Variants in MAGI2 observed in about 807,000 individuals in gnomAD.
MAGI2 encodes the protein membrane associated guanylate kinase, WW and PDZ domain containing 2.
A neutral mutation model predicts 133.3 loss-of-function variants in MAGI2; 35 were observed. That is an observed-to-expected ratio of 0.26 (90% CI 0.20 to 0.35). The LOEUF is 0.35. MAGI2 is among the 10% of genes least tolerant of loss of function. The pLI, the probability that MAGI2 is intolerant of heterozygous loss-of-function variation, is 1.00. For missense variants in MAGI2, 1,636 were observed against 1,863.4 expected (o/e 0.88, Z 2.25); for synonymous variants, 729 against 710.6 (o/e 1.03, Z -0.41).
intron 9 of MAGI2, among the ~76,000 whole-genome samples, chr7:78,338,940 A>T (rs1790060034): frequency 6.6e-6 from 1 of 152,052 alleles, no homozygotes. Flanking sequence ...CAGGAGTTTG[A>T]GTGCCACCAG....
chr7:78,661,544 C>T (rs900786335), intron 2 of MAGI2, among the ~76,000 whole-genome samples: 4 of 152,190 alleles, frequency 2.6e-5, no homozygotes, highest in African/African-American at 9.6e-5. Context: ...ATCAAGTCCA[C>T]TATCAAATCT....
intron 2 of MAGI2, among the ~76,000 whole-genome samples, chr7:78,704,778 C>CTTTTTTTTTTTTTCCT (rs1818445221): frequency 1.1e-4 from 5 of 47,366 alleles, no homozygotes; most frequent in South Asian, 6.2e-4. Flanking sequence ...GGCCATTATT[C>CTTTTTTTTTTTTTCCT]TTTTTTTTTT....
At chr7:78,836,957 T>C (rs951679519) in intron 2 of MAGI2, among the ~76,000 whole-genome samples, 1 of 152,234 alleles carries the variant, frequency 6.6e-6, no homozygotes, top group Non-Finnish European at 1.5e-5. Flanking sequence ...TATTTATTCA[T>C]GCAGGTAATA....
intron 1 of MAGI2, among the ~76,000 whole-genome samples, chr7:79,429,058 T>C (rs571527380): frequency 5.5e-4 from 84 of 152,110 alleles, no homozygotes; most frequent in Non-Finnish European, 7.2e-4. Flanking sequence ...TAGAAGTATA[T>C]ATATATCCCT....
At chr7:79,347,099 T>G (rs930052010) in intron 1 of MAGI2, among the ~76,000 whole-genome samples, 1 of 151,922 alleles carries the variant, frequency 6.6e-6, no homozygotes, top group Non-Finnish European at 1.5e-5. Flanking sequence ...AGAGTGTTCA[T>G]CTTTACCTTT....
intron 1 of MAGI2, among the ~76,000 whole-genome samples, chr7:79,379,531 C>T (rs1251132364): frequency 3.3e-5 from 5 of 151,906 alleles, no homozygotes; most frequent in South Asian, 2.1e-4. Context: ...CTTGAGGAAT[C>T]GCCACACTGT....
chr7:78,965,161 T>G (rs1208758439), intron 2 of MAGI2, among the ~76,000 whole-genome samples: 1 of 151,432 alleles, frequency 6.6e-6, no homozygotes, highest in Non-Finnish European at 1.5e-5. Context: ...TCTGTTAATC[T>G]AAATCTAAAT....
At chr7:78,962,831 A>G (rs1243810937) in intron 2 of MAGI2, among the ~76,000 whole-genome samples, 1 of 72,360 alleles carries the variant, frequency 1.4e-5, no homozygotes, top group Non-Finnish European at 2.7e-5. Flanking sequence ...TCTAATTATC[A>G]AATTAAACTC....
chr7:78,900,996 C>T (rs1358701396), intron 2 of MAGI2, among the ~76,000 whole-genome samples: 1 of 152,108 alleles, frequency 6.6e-6, no homozygotes, highest in African/African-American at 2.4e-5. Context: ...GAACCTAAAG[C>T]CAAGCAGCCA....
intron 1 of MAGI2, among the ~76,000 whole-genome samples, chr7:79,399,095 C>CTGTTTTTTTTTTTTTTTTTTTTT (rs1845283953): frequency 9.4e-6 from 1 of 106,300 alleles, no homozygotes; most frequent in African/African-American, 4.0e-5. Flanking sequence ...TTTTTCTTTT[C>CTGTTTTTTTTTTTTTTTTTTTTT]TTTTTTTTTT....
At chr7:78,488,484 G>T (rs1793277935) in intron 6 of MAGI2, among the ~76,000 whole-genome samples, 1 of 151,964 alleles carries the variant, frequency 6.6e-6, no homozygotes, top group Non-Finnish European at 1.5e-5. Context: ...TGTGGCATAA[G>T]TAAATCATAA....
At chr7:78,559,828 T>TA (rs1800225877) in intron 3 of MAGI2, among the ~76,000 whole-genome samples, 1 of 152,192 alleles carries the variant, frequency 6.6e-6, no homozygotes, top group South Asian at 2.1e-4. Flanking sequence ...TCAAGTTTTA[T>TA]ATACATACAA....
chr7:78,607,125 G>C (rs1805900704), intron 3 of MAGI2, among the ~76,000 whole-genome samples: 1 of 152,124 alleles, frequency 6.6e-6, no homozygotes, highest in African/African-American at 2.4e-5. Flanking sequence ...GGCATTGTTT[G>C]GCCGCCAAAC....
chr7:78,695,789 G>T (rs1817448935), intron 2 of MAGI2, among the ~76,000 whole-genome samples: 1 of 152,184 alleles, frequency 6.6e-6, no homozygotes, highest in African/African-American at 2.4e-5. Flanking sequence ...ATTTTTTAGA[G>T]CTAAGAAGCA....
At chr7:78,766,394 C>T (rs1301588993) in intron 2 of MAGI2, among the ~76,000 whole-genome samples, 1 of 152,118 alleles carries the variant, frequency 6.6e-6, no homozygotes, top group Non-Finnish European at 1.5e-5. Context: ...ATTTCCTCCC[C>T]CAGCCCCAGA....
intron 2 of MAGI2, among the ~76,000 whole-genome samples, chr7:78,645,173 C>A (rs983976386): frequency 6.6e-6 from 1 of 151,424 alleles, no homozygotes; most frequent in Non-Finnish European, 1.5e-5. Context: ...TAAAAACTAT[C>A]ACTTATAGGA....
At chr7:78,888,109 C>T (rs1178388722) in intron 2 of MAGI2, among the ~76,000 whole-genome samples, 42 of 152,204 alleles carry the variant, frequency 2.8e-4, no homozygotes, top group Admixed American at 2.7e-3. Context: ...GAGGATTCTA[C>T]ACCCACAGAA....
intron 2 of MAGI2, among the ~76,000 whole-genome samples, chr7:78,796,323 A>T (rs185956134): frequency 6.6e-6 from 1 of 152,260 alleles, no homozygotes; most frequent in Non-Finnish European, 1.5e-5. Flanking sequence ...AAATGATCAA[A>T]AGACCTGAAT....
intron 1 of MAGI2, among the ~76,000 whole-genome samples, chr7:79,233,552 C>T (rs1204471205): frequency 8.9e-5 from 2 of 22,380 alleles, no homozygotes; most frequent in Admixed American, 1.0e-3. Context: ...TATGTAATGG[C>T]CTTCTTTGTC....
Sources: gnomAD v4.1 joint callset for allele counts (sites outside exome capture counted in the v4.1 genomes callset) on GRCh38, gnomAD v4.1.1 for gene constraint, MANE v1.5 for transcripts, NCBI Gene and HGNC (gene_info 2026-07-23, HGNC 2026-07-21) for gene names.